SPATA6: variants seen among roughly 807,000 people sequenced by gnomAD.
SPATA6 encodes the protein spermatogenesis-associated protein 6.
Under a neutral mutation model 65.3 loss-of-function variants are expected in SPATA6, and 56 were observed. That is an observed-to-expected ratio of 0.86 (90% CI 0.69 to 1.07). SPATA6 has a LOEUF of 1.07. Ranked by LOEUF, SPATA6 falls within the 50% of genes least tolerant of loss-of-function variation. SPATA6 has a pLI of 0.00. For synonymous variants in SPATA6, 199 were observed against 213.2 expected (o/e 0.93, Z 0.58); for missense variants, 590 against 594.8 (o/e 0.99, Z 0.08).
chr1:48,270,818 G>A, the SPATA6 span, among the ~76,000 whole-genome samples: 2 of 151,608 alleles, frequency 1.3e-5, no homozygotes, highest in Non-Finnish European at 2.9e-5. Flanking sequence ...CCTCCATCAG[G>A]CTCCTCAGCT....
At chr1:48,322,393 C>T (rs985071563) in intron 11 of SPATA6, among the ~76,000 whole-genome samples, 1 of 152,098 alleles carries the variant, frequency 6.6e-6, no homozygotes, top group African/African-American at 2.4e-5. Context: ...TGGATCCCTT[C>T]CTTACACCTT....
rs757514126 is a variant in SPATA6 at position 48,395,338 on chromosome 1, G to A, written c.797C>T (p.Pro266Leu). The A allele has an allele frequency of 6.4e-7, 1 of 1,558,052 alleles. No homozygotes were observed. Among genetic ancestry groups the A allele is most frequent in the East Asian group, 2.4e-5 (1 of 41,974 alleles). Residue 266 changes from proline to leucine, a missense_variant, in exon 8 of 13, where the codon CCC becomes CTC. Pro to Leu is a moderately conservative substitution (Grantham distance 98). Coordinates refer to ENST00000371847, the MANE Select transcript of SPATA6 (RefSeq NM_019073.4). ...AGATCCCAATAAAGTATCAGCCCTG[G>A]GACTTGGGGGATCAACCTAGAGGAA... The part of the protein sequence containing the change: ...FVIRHVDPPS[P>L]RADTLLGSSG...
In SPATA6 at chr1:48,449,178, A is replaced by G. The variant is rs143753067; in HGVS notation, c.238+2374T>C. Among the ~76,000 whole-genome samples, 42 of 152,304 alleles carry G rather than the reference A, an allele frequency of 2.8e-4. 1 individual carries two copies. In the East Asian group the frequency reaches 8.1e-3, roughly 29 times the overall value. On this transcript the variant is annotated intron_variant, in intron 3 of 12. Transcript: ENST00000371847. ...TTCTATAGAAAAATTCTAGCTAATA[A>G]ATACAAAAGAATGACAATATTAGAA...
chr1:48,361,431 C>CA (rs933012541), intron 9 of SPATA6, among the ~76,000 whole-genome samples: 1 of 151,950 alleles, frequency 6.6e-6, no homozygotes, highest in African/African-American at 2.4e-5. Flanking sequence ...ATAACATCAA[C>CA]AAAAATAGCT....
At chr1:48,317,028 A>G (rs919749875) in intron 11 of SPATA6, among the ~76,000 whole-genome samples, 2 of 152,236 alleles carry the variant, frequency 1.3e-5, no homozygotes, top group African/African-American at 4.8e-5. Flanking sequence ...GTCAGGAAAC[A>G]ACAGGTGCTG....
At chr1:48,402,739 G>T (rs1483892679) in intron 6 of SPATA6, 2 of 152,134 alleles carry the variant, frequency 1.3e-5, no homozygotes, top group African/African-American at 4.8e-5. Flanking sequence ...CCTGCCCTTT[G>T]AGCCCTCTGG....
chr1:48,285,699 C>T, the SPATA6 span, among the ~76,000 whole-genome samples: 13 of 152,244 alleles, frequency 8.5e-5, no homozygotes, highest in South Asian at 1.2e-3. Flanking sequence ...CAGGGAGTTC[C>T]TGACCACTTG....
chr1:48,453,733 A>C (rs570873658), intron 1 of SPATA6, among the ~76,000 whole-genome samples: 16 of 152,140 alleles, frequency 1.1e-4, no homozygotes, highest in African/African-American at 2.9e-4. Flanking sequence ...TTACAACGAA[A>C]GCTCCCAGAG....
chr1:48,295,034 T>C (rs1336173664), downstream of SPATA6, among the ~76,000 whole-genome samples: 3 of 152,022 alleles, frequency 2.0e-5, no homozygotes, highest in African/African-American at 7.2e-5. Context: ...CATTTTTATA[T>C]ACCCTCTATT....
chr1:48,356,277 T>G (rs547810514), intron 10 of SPATA6, among the ~76,000 whole-genome samples: 1 of 152,082 alleles, frequency 6.6e-6, no homozygotes, highest in African/African-American at 2.4e-5. Context: ...TATTAGAGTC[T>G]GGGGGTTGAA....
intron 9 of SPATA6, among the ~76,000 whole-genome samples, chr1:48,366,056 C>G (rs148088729): frequency 6.6e-6 from 1 of 151,958 alleles, no homozygotes; most frequent in Non-Finnish European, 1.5e-5. Context: ...GATAATCATA[C>G]GGTATTTGTC....
At chr1:48,316,977 A>G (rs961271642) in intron 11 of SPATA6, among the ~76,000 whole-genome samples, 6 of 152,252 alleles carry the variant, frequency 3.9e-5, no homozygotes, top group Non-Finnish European at 8.8e-5. Flanking sequence ...AACCACAATG[A>G]GATACCATCT....
In SPATA6 at chr1:48,364,734, C is replaced by T. The variant is rs1308043481; in HGVS notation, c.910-4964G>A. ...GATGAGTAGGTTGCGAAAATTTTCA[C>T]CCATTTTGTAGGTTGCCTGTTCACT... On this transcript the variant is annotated intron_variant, in intron 9 of 12. Coordinates refer to ENST00000371847, the MANE Select transcript of SPATA6 (RefSeq NM_019073.4). Among the ~76,000 whole-genome samples the T allele has an allele frequency of 2.0e-5, 3 of 152,026 alleles. No homozygotes were observed. In the South Asian group the frequency reaches 6.2e-4, roughly 32 times the overall value.
At chr1:48,369,892 C>T (rs898558204) in intron 9 of SPATA6, among the ~76,000 whole-genome samples, 2 of 152,164 alleles carry the variant, frequency 1.3e-5, no homozygotes, top group Non-Finnish European at 1.5e-5. Flanking sequence ...AGCTGTAGAC[C>T]GGAGCTCCTC....
At chr1:48,271,508 G>A in the SPATA6 span, among the ~76,000 whole-genome samples, 1 of 152,208 alleles carries the variant, frequency 6.6e-6, no homozygotes, top group South Asian at 2.1e-4. Flanking sequence ...AACCCTGTTA[G>A]ACTTCTCATC....
At chr1:48,320,414 A>AG (rs1323382765) in intron 11 of SPATA6, among the ~76,000 whole-genome samples, 16 of 152,348 alleles carry the variant, frequency 1.1e-4, no homozygotes, top group African/African-American at 3.8e-4. Flanking sequence ...TCCGGCAGCA[A>AG]GCTGACTTCT....
chr1:48,306,799 A>T (rs1049122741), intron 11 of SPATA6, among the ~76,000 whole-genome samples: 18 of 151,976 alleles, frequency 1.2e-4, no homozygotes, highest in Admixed American at 1.1e-3. Context: ...CGTGTGCAAT[A>T]AATGATAGAG....
rs901103661 is a variant in SPATA6 at position 48,359,566 on chromosome 1, T to C, written c.1094+20A>G. 2 of 1,610,738 alleles carry C rather than the reference T, an allele frequency of 1.2e-6. No individual in the cohort carries two copies. The highest frequency in any genetic ancestry group is 2.7e-5 in the African/African-American group (2 of 74,830). ...TATTATTCAAAGATCAGTACAGAAA[T>C]GAAGACCGCACATAATTACCTTTCC... On this transcript the variant is annotated intron_variant, in intron 10 of 12. Coordinates refer to ENST00000371847, the MANE Select transcript of SPATA6 (RefSeq NM_019073.4).
At chr1:48,299,517 A>G (rs943401731) in intron 12 of SPATA6, among the ~76,000 whole-genome samples, 4 of 27,506 alleles carry the variant, frequency 1.5e-4, no homozygotes, top group Non-Finnish European at 2.1e-4. Flanking sequence ...TCCGTCTCGG[A>G]AAAAAAAAAA....
Sources: allele counts gnomAD v4.1 joint callset (sites outside exome capture counted in the v4.1 genomes callset), GRCh38; gene constraint gnomAD v4.1.1; transcripts MANE v1.5; gene names NCBI Gene and HGNC (gene_info 2026-07-23, HGNC 2026-07-21).